The following CLUAP1 variants were observed in gnomAD, a reference collection of about 807,000 sequenced individuals.
CLUAP1 encodes intraflagellar transport 38, also known as clusterin-associated protein 1.
A neutral mutation model predicts 55.0 loss-of-function variants in CLUAP1; 50 were observed. The observed-to-expected ratio is 0.91, with a 90% confidence interval of 0.72 to 1.15. The LOEUF is 1.15. Ranked by LOEUF, CLUAP1 falls within the 50% of genes most tolerant of loss-of-function variation. The probability of loss-of-function intolerance (pLI) is 0.00; values close to 1 mark genes in which losing one functional copy is unlikely to be tolerated. For synonymous variants in CLUAP1, 195 were observed against 175.4 expected (o/e 1.11, Z -0.88); for missense variants, 530 against 507.6 (o/e 1.04, Z -0.42).
upstream of CLUAP1, chr16:3,500,957 C>T (rs2037383469): frequency 1.7e-6 from 2 of 1,162,032 alleles, no homozygotes; most frequent in African/African-American, 3.1e-5. Flanking sequence ...TTGTCCCTGA[C>T]CGTGCGCCGT....
chr16:3,496,374 ACCGG>A, upstream of CLUAP1: 1 of 1,130,788 alleles, frequency 8.8e-7, no homozygotes, highest in Non-Finnish European at 1.3e-6. Context: ...AGTCGCACCA[ACCGG>A]CCACCTCTGT....
rs199582178 is a variant in CLUAP1, at chr16:3,530,654, G to A, written c.1015G>A (p.Ala339Thr). 136 of 1,614,050 alleles carry A rather than the reference G, an allele frequency of 8.4e-5. No homozygotes were observed. Among genetic ancestry groups the A allele is most frequent in the Non-Finnish European group, 1.1e-4 (126 of 1,179,972 alleles). Residue 339 changes from alanine (A) to threonine (T), a missense_variant, in exon 10 of 12, where the codon GCC becomes ACC. Transcript: ENST00000576634. ...EERRLPKPQT[A>T]MEMLMQGRPG... The stretch of plus-strand genomic sequence containing the variant: ...AAGGCGGCTGCCCAAGCCACAGACA[G>A]CCATGGAGATGCTCATGCAAGGTAC...
At chr16:3,509,988 A>G in intron 4 of CLUAP1, 1 of 140,932 alleles carries the variant, frequency 7.1e-6, no homozygotes, top group Non-Finnish European at 1.5e-5. Flanking sequence ...CACCATGCCC[A>G]GCTAATTTTT....
At chr16:3,519,760 A>G (rs750088936) in intron 6 of CLUAP1, 143 bp from the exon 7 acceptor site, 2 of 727,088 alleles carry the variant, frequency 2.8e-6, no homozygotes, top group East Asian at 5.6e-5. Flanking sequence ...TAAGTGAGTC[A>G]TTGCTTGGGG....
chr16:3,500,614 G>A (rs1381912232), upstream of CLUAP1, among the ~76,000 whole-genome samples: 1 of 152,082 alleles, frequency 6.6e-6, no homozygotes, highest in Non-Finnish European at 1.5e-5. Context: ...CAAGTGATCC[G>A]CCCGCCTCGG....
chr16:3,517,427 C>G (rs1028091455), intron 6 of CLUAP1, among the ~76,000 whole-genome samples: 1 of 152,132 alleles, frequency 6.6e-6, no homozygotes, highest in Non-Finnish European at 1.5e-5. Flanking sequence ...GTGCCTCAAC[C>G]TCCCAAATAG....
intron 9 of CLUAP1, among the ~76,000 whole-genome samples, chr16:3,529,674 ATATTATATAT>A (rs58054035): frequency 0.078 from 1,270 of 16,356 alleles, 52 homozygotes; most frequent in African/African-American, 0.11. Context: ...ATATTATTAT[ATATTATATAT>A]TATTATATAT....
the CLUAP1 span, chr16:3,495,518 C>A: frequency 6.5e-7 from 1 of 1,547,572 alleles, no homozygotes; most frequent in South Asian, 1.2e-5. Context: ...TCTCCCCTGG[C>A]AACTGGTTCT....
the CLUAP1 span, chr16:3,495,503 G>C: frequency 9.0e-6 from 14 of 1,562,098 alleles, no homozygotes; most frequent in Non-Finnish European, 1.2e-5. Flanking sequence ...GGGTACATTG[G>C]CAGGTCTCCC....
chr16:3,535,904 C>T, intron 11 of CLUAP1: 1 of 565,830 alleles, frequency 1.8e-6, no homozygotes, highest in East Asian at 3.0e-5. Flanking sequence ...CACCCAGATG[C>T]ACCTGCAGTT....
At chr16:3,519,802 G>A in intron 6 of CLUAP1, 101 bp from the exon 7 acceptor site, 1 of 1,169,446 alleles carries the variant, frequency 8.6e-7, no homozygotes, top group Admixed American at 2.6e-5. Flanking sequence ...TGTGTTTGTT[G>A]AGCATAATGT....
upstream of CLUAP1, chr16:3,496,868 C>CTTTTT: frequency 3.8e-6 from 1 of 264,784 alleles, no homozygotes; most frequent in South Asian, 3.8e-5. Context: ...TTCTTTTTTT[C>CTTTTT]TTTTCTTTTT....
At chr16:3,535,827 A>G (rs2038218811) in intron 11 of CLUAP1, 1 of 352,916 alleles carries the variant, frequency 2.8e-6, no homozygotes, top group Admixed American at 4.4e-5. Context: ...CTCTAGGTCC[A>G]GTGGCCCTCA....
At chr16:3,528,422 G>C (rs115251617) in intron 9 of CLUAP1, among the ~76,000 whole-genome samples, 62 of 152,244 alleles carry the variant, frequency 4.1e-4, no homozygotes, top group African/African-American at 1.4e-3. Context: ...TTGGAGGAAG[G>C]ATAGGGACTG....
chr16:3,506,948 G>T (rs2037518096), intron 3 of CLUAP1, among the ~76,000 whole-genome samples: 1 of 152,104 alleles, frequency 6.6e-6, no homozygotes, highest in African/African-American at 2.4e-5. Context: ...TGTAATCCCA[G>T]CACTTTGGAA....
chr16:3,502,481 C>G lies in CLUAP1; in HGVS notation c.22+1392C>G, dbSNP rs377077278. 6.6e-5 allele frequency among the ~76,000 whole-genome samples: 10 copies of G among 151,206 alleles called. No individual in the cohort carries two copies. In the East Asian group the frequency reaches 9.7e-4, roughly 15 times the overall value. The stretch of plus-strand genomic sequence containing the variant: ...AAAAAGGAAAGGTAGATGATGATTG[C>G]CAATTTGGTGTGATCCGAGGGGTCT... On this transcript the variant is annotated intron_variant, in intron 1 of 11. Coordinates refer to ENST00000576634, the MANE Select transcript of CLUAP1 (RefSeq NM_015041.3).
chr16:3,536,037 A>G, intron 11 of CLUAP1, 85 bp from the exon 12 acceptor site: 1 of 1,507,982 alleles, frequency 6.6e-7, no homozygotes, highest in Middle Eastern at 1.9e-4. Flanking sequence ...GGATGCTGCT[A>G]TAGAAAGGGA....
At chr16:3,526,202 C>G (rs1291347255) in intron 8 of CLUAP1, among the ~76,000 whole-genome samples, 4 of 152,172 alleles carry the variant, frequency 2.6e-5, no homozygotes, top group Admixed American at 1.3e-4. Context: ...CCCCTGTCCA[C>G]CAGGCCACGA....
intron 5 of CLUAP1, 149 bp downstream of exon 5, chr16:3,512,627 G>C: frequency 2.0e-6 from 1 of 504,286 alleles, no homozygotes; most frequent in East Asian, 3.1e-5. Flanking sequence ...GATATTAGCT[G>C]TCCTTCCTGC....
Sources: allele counts gnomAD v4.1 joint callset (sites outside exome capture counted in the v4.1 genomes callset), GRCh38; gene constraint gnomAD v4.1.1; transcripts MANE v1.5; gene names NCBI Gene and HGNC (gene_info 2026-07-23, HGNC 2026-07-21).